The following ERC1 variants were observed in gnomAD, a reference collection of about 807,000 sequenced individuals.
ERC1 encodes the protein RAB6 interacting protein 2.
In ERC1, 56 loss-of-function variants were observed where a neutral mutation model predicts 132.0. The observed-to-expected ratio is 0.42, with a 90% confidence interval of 0.34 to 0.53. The LOEUF is 0.53. Among genes scored for constraint, ERC1 ranks in the 20% least tolerant of loss-of-function variants. ERC1 has a pLI of 0.03. For missense variants in ERC1, 1,202 were observed against 1,349.9 expected, an observed-to-expected ratio of 0.89 and a Z score of 1.72; for synonymous variants, 478 against 476.1, an observed-to-expected ratio of 1.00 and a Z score of -0.05.
intron 11 of ERC1, among the ~76,000 whole-genome samples, chr12:1,188,160 C>T (rs992520062): frequency 9.9e-5 from 15 of 152,178 alleles, no homozygotes; most frequent in Admixed American, 2.6e-4. Flanking sequence ...TTTTGTGCCC[C>T]TACATCAAGC....
At chr12:1,148,851 C>A (rs1593720109) in intron 8 of ERC1, among the ~76,000 whole-genome samples, 1 of 152,190 alleles carries the variant, frequency 6.6e-6, no homozygotes, top group Admixed American at 6.5e-5. Context: ...ATCCTCCCGC[C>A]TCGGCCTCCC....
chr12:1,484,045 C>T (rs2094148170), intron 18 of ERC1, among the ~76,000 whole-genome samples: 1 of 145,882 alleles, frequency 6.9e-6, no homozygotes, highest in South Asian at 2.2e-4. Flanking sequence ...GTGGCTCACG[C>T]CTGTAATCCC....
chr12:1,459,152 A>G (rs77480449), intron 18 of ERC1, among the ~76,000 whole-genome samples: 2,534 of 152,338 alleles, frequency 0.017, 67 homozygotes, highest in African/African-American at 0.058. Flanking sequence ...CAAAGACTTG[A>G]AAATTTATTT....
At chr12:1,401,595 C>T (rs1018955525) in intron 16 of ERC1, among the ~76,000 whole-genome samples, 1 of 152,068 alleles carries the variant, frequency 6.6e-6, no homozygotes, top group Non-Finnish European at 1.5e-5. Context: ...TATTTAGGCT[C>T]TCTGTACCTC....
At chr12:1,263,813 C>T (rs1170473094) in intron 14 of ERC1, among the ~76,000 whole-genome samples, 1 of 152,040 alleles carries the variant, frequency 6.6e-6, no homozygotes, top group Admixed American at 6.5e-5. Context: ...CCTCAACCTC[C>T]CGAGTAGCTG....
At chr12:1,348,741 C>T (rs1282352198) in intron 15 of ERC1, among the ~76,000 whole-genome samples, 1 of 151,952 alleles carries the variant, frequency 6.6e-6, no homozygotes, top group Admixed American at 6.6e-5. Flanking sequence ...AACAAGATTT[C>T]CTACTCAGGA....
At chr12:1,160,261 A>G (rs560627979) in intron 8 of ERC1, among the ~76,000 whole-genome samples, 2 of 152,364 alleles carry the variant, frequency 1.3e-5, no homozygotes, top group African/African-American at 4.8e-5. Flanking sequence ...CAAAAGATTT[A>G]GGTGATACAT....
At chr12:1,415,252 G>A (rs1303590343) in intron 17 of ERC1, among the ~76,000 whole-genome samples, 1 of 152,216 alleles carries the variant, frequency 6.6e-6, no homozygotes, top group African/African-American at 2.4e-5. Context: ...AGCAGTTTGT[G>A]TGAACTGGTG....
Position 1,244,346 on chromosome 12 carries a change from T to G in ERC1, c.2487+7442T>G, listed in dbSNP as rs560020159. Among the ~76,000 whole-genome samples, 12 of 152,314 alleles carry G rather than the reference T, an allele frequency of 7.9e-5. 1 individual carries two copies. In the South Asian group the frequency reaches 2.3e-3, roughly 29 times the overall value. On this transcript the variant is annotated intron_variant, in intron 13 of 18. Transcript: ENST00000360905. ...TTTGTGTTTTAAATTTCTGGCTATTTAGGTGATCTCTTGATGTTTTCATGA... is the reference window on the plus strand; with the variant it reads ...TTTGTGTTTTAAATTTCTGGCTATTGAGGTGATCTCTTGATGTTTTCATGA...
rs1238380589 is a variant in ERC1, at chr12:1,383,126, A to G, written c.2925+11149A>G. ...TATCGTCAAACTGCTGCCTTTTATG[A>G]TGCCACAGGGAATTAATTTATAAAT... is the stretch of plus-strand genomic sequence containing the variant. On this transcript the variant is annotated intron_variant, in intron 16 of 18. Transcript: ENST00000360905. Among the ~76,000 whole-genome samples the G allele has an allele frequency of 2.6e-5, 4 of 152,238 alleles. 1 individual carries two copies. The highest frequency in any genetic ancestry group is 2.6e-4 in the Admixed American group (4 of 15,290).
At chr12:1,423,929 ATTG>A (rs2092521544) in intron 17 of ERC1, among the ~76,000 whole-genome samples, 2 of 152,190 alleles carry the variant, frequency 1.3e-5, no homozygotes, top group South Asian at 4.1e-4. Flanking sequence ...AGATGTAAAT[ATTG>A]TTAAACAAGT....
At chr12:1,280,386 A>G (rs1269709074) in intron 14 of ERC1, among the ~76,000 whole-genome samples, 5 of 152,184 alleles carry the variant, frequency 3.3e-5, no homozygotes, top group African/African-American at 9.7e-5. Context: ...CCCAAGCCCT[A>G]TTTGGACATT....
intron 12 of ERC1, among the ~76,000 whole-genome samples, chr12:1,214,887 T>C (rs955191665): frequency 1.3e-5 from 2 of 152,166 alleles, no homozygotes; most frequent in African/African-American, 2.4e-5. Context: ...CTAAAGATCA[T>C]ATAGATAATG....
rs181738943 is a variant in ERC1, at chr12:1,021,527, G to A, written c.-156-6221G>A. Reference sequence around the variant, plus strand: ...ATCCTGGCTAACATGGTGAAACCCCGTATCTACTAAAAATACAAAAAATTA... The same window carrying A: ...ATCCTGGCTAACATGGTGAAACCCCATATCTACTAAAAATACAAAAAATTA... On this transcript the variant is annotated intron_variant, in intron 1 of 18. Transcript: ENST00000360905. Among the ~76,000 whole-genome samples, 1,081 of 151,674 alleles carry A rather than the reference G, an allele frequency of 7.1e-3. 11 individuals carry two copies. Among genetic ancestry groups the A allele is most frequent in the African/African-American group, 0.025 (1,034 of 41,372 alleles).
At chr12:1,375,862 G>A (rs139323179) in intron 16 of ERC1, among the ~76,000 whole-genome samples, 9,532 of 149,524 alleles carry the variant, frequency 0.064, 372 homozygotes, top group East Asian at 0.13. Context: ...TCAGCCTCCC[G>A]AGTAGCTGGG....
chr12:1,264,888 G>C (rs7305727), intron 14 of ERC1, among the ~76,000 whole-genome samples: 6,319 of 152,214 alleles, frequency 0.042, 460 homozygotes, highest in African/African-American at 0.15. Flanking sequence ...ATGTTTCCAA[G>C]GCAGACATAG....
chr12:1,197,089 T>C (rs112837574), intron 12 of ERC1, among the ~76,000 whole-genome samples: 4,276 of 151,160 alleles, frequency 0.028, 86 homozygotes, highest in Middle Eastern at 0.072. Flanking sequence ...CAAGCGATTC[T>C]TGTGCGTCAG....
intron 15 of ERC1, among the ~76,000 whole-genome samples, chr12:1,305,512 C>T (rs2080812046): frequency 6.6e-6 from 1 of 152,178 alleles, no homozygotes; most frequent in Non-Finnish European, 1.5e-5. Context: ...CTCCCTCGCC[C>T]CACCCCCGTA....
At chr12:1,470,075 A>T (rs894503315) in intron 18 of ERC1, among the ~76,000 whole-genome samples, 1 of 151,706 alleles carries the variant, frequency 6.6e-6, no homozygotes, top group Non-Finnish European at 1.5e-5. Flanking sequence ...GTCATCTCAC[A>T]AGGGAGTCAG....
Sources: allele counts gnomAD v4.1 joint callset (sites outside exome capture counted in the v4.1 genomes callset), GRCh38; gene constraint gnomAD v4.1.1; transcripts MANE v1.5; gene names NCBI Gene and HGNC (gene_info 2026-07-23, HGNC 2026-07-21).